The following RIC1 variants were observed in gnomAD, a reference collection of about 807,000 sequenced individuals.
RIC1 encodes the protein guanine nucleotide exchange factor subunit RIC1.
In RIC1, 88 loss-of-function variants were observed where a neutral mutation model predicts 169.0. The ratio of observed to expected loss-of-function variants is 0.52; its 90% CI spans 0.44 to 0.62. The LOEUF is 0.62. Ranked by LOEUF, RIC1 falls within the 20% of genes least tolerant of loss-of-function variation. The pLI is 0.00. For synonymous variants in RIC1, 790 were observed against 601.5 expected, an observed-to-expected ratio of 1.31 and a Z score of -4.59; for missense variants, 1,877 against 1,725.5, an observed-to-expected ratio of 1.09 and a Z score of -1.56.
At chr9:5,758,644 G>A (rs574344606) in intron 17 of RIC1, among the ~76,000 whole-genome samples, 33 of 149,292 alleles carry the variant, frequency 2.2e-4, no homozygotes, top group African/African-American at 7.9e-4. Flanking sequence ...CATCTTATCT[G>A]CATGCTAAAT....
intron 8 of RIC1, among the ~76,000 whole-genome samples, chr9:5,740,642 T>TG (rs1295029929): frequency 2.0e-5 from 3 of 150,674 alleles, no homozygotes; most frequent in Admixed American, 6.7e-5. Flanking sequence ...AGATGTAGGC[T>TG]GGGGGGCTAG....
Position 5,713,890 on chromosome 9 carries a change from T to A in RIC1, c.333-6T>A. On this transcript the variant is annotated splice_region_variant and splice_polypyrimidine_tract_variant and intron_variant, in intron 3 of 25. Transcript: ENST00000414202. ...TCTTTCTTTAACTCTATGCTGTTTG[T>A]TTTAGAGGAAGTCCACAAATGAAGG... 4 of 1,606,196 alleles carry A rather than the reference T, an allele frequency of 2.5e-6. No homozygotes were observed. The highest frequency in any genetic ancestry group is 3.4e-6 in the Non-Finnish European group (4 of 1,173,304).
intron 2 of RIC1, among the ~76,000 whole-genome samples, chr9:5,683,157 T>G (rs1374443076): frequency 6.6e-6 from 1 of 152,234 alleles, no homozygotes; most frequent in Non-Finnish European, 1.5e-5. Flanking sequence ...GTCAAAGTCA[T>G]TTTCCATCAA....
chr9:5,630,264 C>A (rs915291326), intron 1 of RIC1, among the ~76,000 whole-genome samples: 1 of 152,182 alleles, frequency 6.6e-6, no homozygotes, highest in Admixed American at 6.5e-5. Context: ...TGGGATACTC[C>A]CTACTCTCTG....
chr9:5,732,891 A>G (rs1824455752), intron 7 of RIC1, among the ~76,000 whole-genome samples: 1 of 152,190 alleles, frequency 6.6e-6, no homozygotes, highest in African/African-American at 2.4e-5. Context: ...TAAAGTGCAC[A>G]TATAAAACCA....
chr9:5,744,295 C>G (rs547053111), intron 10 of RIC1, among the ~76,000 whole-genome samples: 1 of 151,918 alleles, frequency 6.6e-6, no homozygotes, highest in East Asian at 1.9e-4. Flanking sequence ...GGGCATTTTT[C>G]CTGGAGGACA....
At chr9:5,691,295 A>G (rs960480496) in intron 3 of RIC1, among the ~76,000 whole-genome samples, 29 of 151,998 alleles carry the variant, frequency 1.9e-4, no homozygotes, top group African/African-American at 6.3e-4. Flanking sequence ...AGAGCAATAC[A>G]GTACAAATAT....
chr9:5,689,676 C>T (rs781670521), intron 2 of RIC1, among the ~76,000 whole-genome samples: 1 of 152,152 alleles, frequency 6.6e-6, no homozygotes, highest in Non-Finnish European at 1.5e-5. Context: ...AAAATAGTCA[C>T]TTACTCATTA....
At chr9:5,692,303 T>C (rs1326277457) in intron 3 of RIC1, among the ~76,000 whole-genome samples, 1 of 152,068 alleles carries the variant, frequency 6.6e-6, no homozygotes, top group Non-Finnish European at 1.5e-5. Context: ...TCCTCATCTG[T>C]AGAGTAGGAT....
rs143393991 is a variant in RIC1 at position 5,769,140 on chromosome 9, G to A, written c.3308G>A (p.Arg1103Gln). Residue 1103 changes from arginine (R) to glutamine (Q), a missense_variant, in exon 22 of 26, where the codon CGG becomes CAG. By Grantham distance (43) the Arg-to-Gln change is conservative. Transcript: ENST00000414202. ...TGCAAGGAACGTACCCGAGCCGCCC[G>A]GGTAGACAACTTTGTAATAGCCCTG... ...WLCKERTRAA[R>Q]VDNFVIALKR... 3 of 1,614,078 alleles carry A rather than the reference G, an allele frequency of 1.9e-6. No individual in the cohort carries two copies. The highest frequency in any genetic ancestry group is 2.5e-6 in the Non-Finnish European group (3 of 1,179,980).
intron 3 of RIC1, among the ~76,000 whole-genome samples, chr9:5,697,025 C>G (rs762484739): frequency 2.0e-5 from 3 of 152,166 alleles, no homozygotes; most frequent in Non-Finnish European, 4.4e-5. Context: ...TCTCCCAGTC[C>G]TATATGAACT....
At chr9:5,691,215 A>G (rs1420024632) in intron 3 of RIC1, among the ~76,000 whole-genome samples, 1 of 151,978 alleles carries the variant, frequency 6.6e-6, no homozygotes, top group Admixed American at 6.6e-5. Context: ...CAAGTCACAC[A>G]AAATTATATA....
intron 6 of RIC1, 51 bp downstream of exon 6, chr9:5,720,801 T>G (rs1296462141): frequency 7.1e-7 from 1 of 1,412,636 alleles, no homozygotes; most frequent in Admixed American, 2.5e-5. Flanking sequence ...ACTTATTTTA[T>G]TCTTTGTTAT....
At chr9:5,647,067 C>G (rs1818553734) in intron 1 of RIC1, among the ~76,000 whole-genome samples, 1 of 152,130 alleles carries the variant, frequency 6.6e-6, no homozygotes, top group Admixed American at 6.5e-5. Context: ...AAAAGACTTT[C>G]TTTCCTTTTC....
chr9:5,707,480 A>G (rs1051985220), intron 3 of RIC1, among the ~76,000 whole-genome samples: 2 of 152,112 alleles, frequency 1.3e-5, no homozygotes, highest in Non-Finnish European at 2.9e-5. Context: ...GAAGTCTCCA[A>G]CATTATTACA....
intron 2 of RIC1, among the ~76,000 whole-genome samples, chr9:5,663,937 G>C (rs1819603366): frequency 6.6e-6 from 1 of 152,164 alleles, no homozygotes; most frequent in Admixed American, 6.6e-5. Context: ...TGTAGTGGCT[G>C]GTAATGGTTT....
At chr9:5,642,663 G>A (rs1354041566) in intron 1 of RIC1, among the ~76,000 whole-genome samples, 1 of 144,836 alleles carries the variant, frequency 6.9e-6, no homozygotes, top group Non-Finnish European at 1.5e-5. Context: ...ATCTGCCTCT[G>A]TGGCCACCAC....
chr9:5,710,420 G>T (rs1822861884), intron 3 of RIC1, among the ~76,000 whole-genome samples: 1 of 152,174 alleles, frequency 6.6e-6, no homozygotes, highest in African/African-American at 2.4e-5. Flanking sequence ...TCCCAGGCAG[G>T]TTTGAGGGAT....
intron 2 of RIC1, among the ~76,000 whole-genome samples, chr9:5,682,200 TATG>T (rs1451270011): frequency 6.6e-6 from 1 of 152,174 alleles, no homozygotes; most frequent in African/African-American, 2.4e-5. Flanking sequence ...ATCCTGTCAT[TATG>T]ATGTTAGCTG....
Sources: gnomAD v4.1 joint callset for allele counts (sites outside exome capture counted in the v4.1 genomes callset) on GRCh38, gnomAD v4.1.1 for gene constraint, MANE v1.5 for transcripts, NCBI Gene and HGNC (gene_info 2026-07-23, HGNC 2026-07-21) for gene names.